UBE2D4: variants seen among roughly 807,000 people sequenced by gnomAD.
UBE2D4 encodes the protein ubiquitin-conjugating enzyme E2 D4.
UBE2D4 carries 17 observed loss-of-function variants against 23.0 expected under a neutral mutation model. The observed-to-expected ratio is 0.74, with a 90% CI of 0.51 to 1.11. The LOEUF (loss-of-function observed/expected upper bound fraction) is 1.11. Among genes scored for constraint, UBE2D4 ranks in the 50% least tolerant of loss-of-function variants. UBE2D4 has a pLI of 0.00. For missense variants in UBE2D4, 139 were observed against 181.8 expected (o/e 0.76, Z 1.35); for synonymous variants, 61 against 69.4 (o/e 0.88, Z 0.60).
chr7:43,929,725 G>A (rs1430776802), intron 1 of UBE2D4, among the ~76,000 whole-genome samples: 1 of 152,198 alleles, frequency 6.6e-6, no homozygotes, highest in Non-Finnish European at 1.5e-5. Flanking sequence ...ATGCTCTGCT[G>A]TCACTATCAG....
intron 5 of UBE2D4, 27 bp from the exon 6 acceptor site, chr7:43,950,572 C>A: frequency 6.2e-7 from 1 of 1,604,792 alleles, no homozygotes; most frequent in Non-Finnish European, 8.5e-7. Flanking sequence ...GTGGCTACAG[C>A]TGACCAACCT....
At chr7:43,929,035 A>G (rs1388007187) in intron 1 of UBE2D4, among the ~76,000 whole-genome samples, 4 of 152,120 alleles carry the variant, frequency 2.6e-5, no homozygotes, top group Non-Finnish European at 4.4e-5. Context: ...GCTCATGCCT[A>G]TATCCCAGCA....
At chr7:43,947,942 A>G (rs972021835) in intron 4 of UBE2D4, among the ~76,000 whole-genome samples, 1 of 152,366 alleles carries the variant, frequency 6.6e-6, no homozygotes, top group East Asian at 1.9e-4. Flanking sequence ...TCTGATGACC[A>G]GTGATGATGA....
intron 1 of UBE2D4, among the ~76,000 whole-genome samples, chr7:43,933,370 G>A (rs1174134093): frequency 6.6e-6 from 1 of 151,902 alleles, no homozygotes; most frequent in African/African-American, 2.4e-5. Flanking sequence ...AATTTTCAGT[G>A]GCTGCATAAT....
Position 43,942,662 on chromosome 7 carries a change from G to A in UBE2D4, c.89-164G>A, listed in dbSNP as rs539498528. 14 of 873,094 alleles carry A rather than the reference G, an allele frequency of 1.6e-5. No homozygotes were observed. The African/African-American group carries it at 1.8e-4, about 11-fold the overall frequency. 54.1% of individuals were successfully genotyped at this position (873,094 alleles called of 1,614,324 possible). A position where few individuals can be genotyped will look rare whatever the true frequency, so the allele number is the denominator to read the frequency against. ...CAGTGAGCTCTGGGAGTCCTAGGCAGTTATTGCATCTTGGGTGGTTTGGGG... is the reference window on the plus strand; with the variant it reads ...CAGTGAGCTCTGGGAGTCCTAGGCAATTATTGCATCTTGGGTGGTTTGGGG... On this transcript the variant is annotated intron_variant, in intron 2 of 6. Transcript: ENST00000222402.
intron 2 of UBE2D4, among the ~76,000 whole-genome samples, chr7:43,939,890 G>T (rs1393667774): frequency 6.6e-6 from 1 of 152,162 alleles, no homozygotes; most frequent in African/African-American, 2.4e-5. Flanking sequence ...TTGTTTCATG[G>T]ATACAGAATT....
chr7:43,938,337 C>G, intron 1 of UBE2D4, 94 bp from the exon 2 acceptor site: 1 of 1,263,058 alleles, frequency 7.9e-7, no homozygotes, highest in Non-Finnish European at 1.2e-6. Flanking sequence ...GGAGCCTCCT[C>G]CCACCAGGAG....
intron 4 of UBE2D4, among the ~76,000 whole-genome samples, chr7:43,945,927 C>T (rs1319071288): frequency 1.3e-5 from 2 of 151,948 alleles, no homozygotes; most frequent in African/African-American, 4.8e-5. Context: ...GGATTACAGG[C>T]ATGTGCCACA....
At chr7:43,951,329 G>A (rs991770120) in intron 6 of UBE2D4, among the ~76,000 whole-genome samples, 10 of 152,248 alleles carry the variant, frequency 6.6e-5, no homozygotes, top group Admixed American at 3.3e-4. Flanking sequence ...TCATCGCCAA[G>A]TGTTAGTCTC....
At chr7:43,938,612 G>T (rs2095963932) in intron 2 of UBE2D4, 118 bp downstream of exon 2, 2 of 928,890 alleles carry the variant, frequency 2.2e-6, no homozygotes, top group Non-Finnish European at 3.4e-6. Flanking sequence ...AAGGTGGGTG[G>T]ATCACCTGAG....
In UBE2D4 at chr7:43,926,478, G is replaced by T; in HGVS notation, c.-55G>T. On this transcript the variant is annotated 5_prime_UTR_variant, in exon 1 of 7. Coordinates refer to ENST00000222402, the MANE Select transcript of UBE2D4 (RefSeq NM_015983.4). ...GCTTGGTGGCGGCTGAGCCGGCAGC[G>T]GGCCGCCTCAGGCAGCCCCGGCCGG... 4.2e-6 allele frequency: 6 copies of T among 1,425,774 alleles called. No individual in the cohort carries two copies. Among genetic ancestry groups the T allele is most frequent in the Non-Finnish European group, 4.6e-6 (5 of 1,080,860 alleles). 88.3% of individuals were successfully genotyped at this position (1,425,774 alleles called of 1,614,324 possible).
chr7:43,930,176 C>T (rs114969388), intron 1 of UBE2D4, among the ~76,000 whole-genome samples: 285 of 152,226 alleles, frequency 1.9e-3, no homozygotes, highest in African/African-American at 6.0e-3. Context: ...ATGCTCATTC[C>T]GAAACCAATG....
intron 6 of UBE2D4, 164 bp from the exon 7 acceptor site, chr7:43,952,486 G>T: frequency 1.5e-6 from 1 of 662,260 alleles, no homozygotes; most frequent in South Asian, 1.7e-5. Context: ...TGTCTGATGT[G>T]CTCCTGCTCC....
chr7:43,927,243 A>G (rs2528381), intron 1 of UBE2D4, among the ~76,000 whole-genome samples: 8,448 of 151,408 alleles, frequency 0.056, 276 homozygotes, highest in East Asian at 0.13. Flanking sequence ...TGCATTTTGT[A>G]TTCCACTTAT....
chr7:43,949,861 AT>A (rs531528704), intron 5 of UBE2D4, among the ~76,000 whole-genome samples: 1 of 149,262 alleles, frequency 6.7e-6, no homozygotes, highest in Non-Finnish European at 1.5e-5. Flanking sequence ...GAATTTCTTT[AT>A]TTTTTTTTTG....
intron 1 of UBE2D4, among the ~76,000 whole-genome samples, chr7:43,931,949 A>G (rs916639764): frequency 1.3e-5 from 2 of 151,568 alleles, no homozygotes; most frequent in African/African-American, 4.9e-5. Context: ...GGGCCTCCCA[A>G]AGTGCTGGGA....
chr7:43,927,261 A>G (rs2095933841), intron 1 of UBE2D4, among the ~76,000 whole-genome samples: 1 of 151,712 alleles, frequency 6.6e-6, no homozygotes, highest in Non-Finnish European at 1.5e-5. Flanking sequence ...TATTCACATA[A>G]TAGTAAATGT....
chr7:43,939,986 A>G (rs2095967578), intron 2 of UBE2D4, among the ~76,000 whole-genome samples: 1 of 152,220 alleles, frequency 6.6e-6, no homozygotes, highest in Non-Finnish European at 1.5e-5. Context: ...AGAATTGTAC[A>G]CTTTAAAGTT....
At chr7:43,936,874 C>T (rs533085550) in intron 1 of UBE2D4, among the ~76,000 whole-genome samples, 14 of 152,256 alleles carry the variant, frequency 9.2e-5, no homozygotes, top group African/African-American at 2.9e-4. Flanking sequence ...TCCTCAGTGA[C>T]GGAGCTTGGA....
Sources: allele counts gnomAD v4.1 joint callset (sites outside exome capture counted in the v4.1 genomes callset), GRCh38; gene constraint gnomAD v4.1.1; transcripts MANE v1.5; gene names NCBI Gene and HGNC (gene_info 2026-07-23, HGNC 2026-07-21).